The following GRID1 variants were observed in gnomAD, a reference collection of about 807,000 sequenced individuals.
GRID1 encodes glutamate receptor ionotropic, delta-1.
In GRID1, 28 loss-of-function variants were observed where a neutral mutation model predicts 98.0. The ratio of observed to expected loss-of-function variants is 0.29; its 90% CI spans 0.21 to 0.39. The LOEUF (loss-of-function observed/expected upper bound fraction) is 0.39. Among genes scored for constraint, GRID1 ranks in the 10% least tolerant of loss-of-function variants. The probability of loss-of-function intolerance (pLI) is 1.00; values close to 1 mark genes in which losing one functional copy is unlikely to be tolerated. For synonymous variants in GRID1, 553 were observed against 538.5 expected (o/e 1.03, Z -0.37); for missense variants, 1,111 against 1,340.5 (o/e 0.83, Z 2.67).
At chr10:86,329,020 T>C (rs544630173) in intron 2 of GRID1, among the ~76,000 whole-genome samples, 1 of 152,332 alleles carries the variant, frequency 6.6e-6, no homozygotes, top group African/African-American at 2.4e-5. Flanking sequence ...CCAAAAGCCC[T>C]GTCACTATGG....
At chr10:86,125,874 G>C (rs77522011) in intron 4 of GRID1, among the ~76,000 whole-genome samples, 57 of 152,254 alleles carry the variant, frequency 3.7e-4, no homozygotes, top group African/African-American at 1.3e-3. Flanking sequence ...TTTACCGTAA[G>C]AATATAGTAT....
chr10:86,239,927 G>C (rs1377009520), intron 2 of GRID1, among the ~76,000 whole-genome samples: 1 of 152,084 alleles, frequency 6.6e-6, no homozygotes, highest in Non-Finnish European at 1.5e-5. Flanking sequence ...CAGGAAGGTG[G>C]GCCCTATTCC....
At chr10:85,858,926 G>A (rs903280098) in intron 6 of GRID1, among the ~76,000 whole-genome samples, 1 of 152,226 alleles carries the variant, frequency 6.6e-6, no homozygotes, top group Non-Finnish European at 1.5e-5. Flanking sequence ...TATGAATGCA[G>A]AGAGGTCTTG....
At chr10:85,737,004 G>T (rs901491231) in intron 8 of GRID1, among the ~76,000 whole-genome samples, 3 of 152,132 alleles carry the variant, frequency 2.0e-5, no homozygotes, top group Non-Finnish European at 4.4e-5. Flanking sequence ...GCCTTGGAGG[G>T]TATGAGTCAC....
chr10:86,215,278 G>A (rs922928566), intron 2 of GRID1, among the ~76,000 whole-genome samples: 2 of 152,366 alleles, frequency 1.3e-5, no homozygotes, highest in African/African-American at 2.4e-5. Context: ...CTGTCGTCCA[G>A]GGCAGGTGGG....
Position 86,350,563 on chromosome 10 carries a change from G to A in GRID1, c.235+13378C>T, listed in dbSNP as rs182030400. On this transcript the variant is annotated intron_variant, in intron 2 of 15. Transcript: ENST00000327946. ...CAATCCCTGCTTCACTTTGCTTTCT[G>A]TGTCATTCCCTGTACTGCCCAGGAT... Among the ~76,000 whole-genome samples the A allele has an allele frequency of 7.9e-5, 12 of 152,300 alleles. No homozygotes were observed. The East Asian group carries it at 2.1e-3, about 27-fold the overall frequency.
intron 13 of GRID1, among the ~76,000 whole-genome samples, chr10:85,620,575 A>G (rs1393895618): frequency 2.6e-5 from 4 of 152,188 alleles, no homozygotes; most frequent in Non-Finnish European, 5.9e-5. Flanking sequence ...TGGTGACTTA[A>G]TATCAAGCAC....
intron 12 of GRID1, among the ~76,000 whole-genome samples, chr10:85,680,219 C>T (rs1174094621): frequency 6.6e-6 from 1 of 152,082 alleles, no homozygotes; most frequent in African/African-American, 2.4e-5. Context: ...CACCCTTTGC[C>T]CTCCTCCTCT....
chr10:86,334,491 C>T (rs1340792909), intron 2 of GRID1, among the ~76,000 whole-genome samples: 1 of 152,192 alleles, frequency 6.6e-6, no homozygotes, highest in African/African-American at 2.4e-5. Context: ...CGCTCCTTGC[C>T]TGGTTATGGT....
intron 8 of GRID1, among the ~76,000 whole-genome samples, chr10:85,805,907 A>C (rs1842619345): frequency 6.6e-6 from 1 of 151,860 alleles, no homozygotes; most frequent in South Asian, 2.1e-4. Flanking sequence ...AATATTTGTG[A>C]CTTTGGGATG....
chr10:85,980,563 C>G (rs1222678666), intron 4 of GRID1, among the ~76,000 whole-genome samples: 1 of 152,230 alleles, frequency 6.6e-6, no homozygotes, highest in African/African-American at 2.4e-5. Flanking sequence ...TCTGCAGCAT[C>G]TCCGGATGTT....
intron 2 of GRID1, among the ~76,000 whole-genome samples, chr10:86,311,679 G>A (rs1362833556): frequency 6.6e-6 from 1 of 152,078 alleles, no homozygotes; most frequent in Non-Finnish European, 1.5e-5. Flanking sequence ...CATCCAACCT[G>A]AGAGTTCAAA....
intron 4 of GRID1, among the ~76,000 whole-genome samples, chr10:86,086,217 A>G (rs1173787318): frequency 4.0e-5 from 6 of 151,738 alleles, no homozygotes; most frequent in Admixed American, 3.9e-4. Flanking sequence ...CTCCACTTAT[A>G]CCATCTCTGT....
chr10:86,150,709 A>G (rs1455038368), intron 3 of GRID1, among the ~76,000 whole-genome samples: 1 of 152,194 alleles, frequency 6.6e-6, no homozygotes, highest in Non-Finnish European at 1.5e-5. Context: ...TGGTATTAGA[A>G]GAGGGGGTTT....
intron 4 of GRID1, among the ~76,000 whole-genome samples, chr10:86,087,716 G>A (rs1844084122): frequency 6.6e-6 from 1 of 150,814 alleles, no homozygotes; most frequent in Non-Finnish European, 1.5e-5. Flanking sequence ...CAGTATCACA[G>A]AGATGTGCAG....
intron 4 of GRID1, among the ~76,000 whole-genome samples, chr10:86,103,909 C>T (rs1288369628): frequency 6.6e-6 from 1 of 152,188 alleles, no homozygotes; most frequent in Non-Finnish European, 1.5e-5. Context: ...GCACAGCCCT[C>T]ATGGTGTTGC....
In GRID1 at chr10:85,720,112, G is replaced by A. The variant is rs190675447; in HGVS notation, c.1997+2891C>T. On this transcript the variant is annotated intron_variant, in intron 12 of 15. Coordinates refer to ENST00000327946, the MANE Select transcript of GRID1 (RefSeq NM_017551.3). ...GTAAATGGTTACTTGCTTTATCAAT[G>A]TTTTTGAGGAAAATATTTAGCCAAC... Among the ~76,000 whole-genome samples the A allele has an allele frequency of 2.1e-3, 327 of 152,238 alleles. 1 individual carries two copies. The highest frequency in any genetic ancestry group is 3.6e-3 in the Non-Finnish European group (247 of 67,994).
intron 8 of GRID1, among the ~76,000 whole-genome samples, chr10:85,801,894 CT>C (rs1842579708): frequency 6.6e-6 from 1 of 151,834 alleles, no homozygotes. Flanking sequence ...CAAAAATAAT[CT>C]TGAGAAAAAC....
At position 85,600,662 on chromosome 10, in the gene GRID1, T is replaced by A. The variant is rs1271751928; in HGVS notation, c.*1611A>T. On this transcript the variant is annotated 3_prime_UTR_variant, in exon 16 of 16. Coordinates refer to ENST00000327946, the MANE Select transcript of GRID1 (RefSeq NM_017551.3). ...GACGGGTCTGGAGATCAGACTAACC[T>A]TTGTCTTTAGGAGAGGAACTGAAGT... 3 of 152,148 alleles carry A rather than the reference T, an allele frequency of 2.0e-5. No individual in the cohort carries two copies. Among genetic ancestry groups the A allele is most frequent in the African/African-American group, 2.4e-5 (1 of 41,404 alleles). 9.4% of individuals were successfully genotyped at this position (152,148 alleles called of 1,614,324 possible).
Sources: allele counts gnomAD v4.1 joint callset (sites outside exome capture counted in the v4.1 genomes callset), GRCh38; gene constraint gnomAD v4.1.1; transcripts MANE v1.5; gene names NCBI Gene and HGNC (gene_info 2026-07-23, HGNC 2026-07-21).